Variants in SMYD3 observed in about 807,000 individuals in gnomAD.
SMYD3 encodes the protein histone-lysine N-methyltransferase SMYD3.
Under a neutral mutation model 57.7 loss-of-function variants are expected in SMYD3, and 36 were observed. The ratio of observed to expected loss-of-function variants is 0.62; its 90% CI spans 0.48 to 0.82. The LOEUF (loss-of-function observed/expected upper bound fraction) is 0.82. Among genes scored for constraint, SMYD3 ranks in the 40% least tolerant of loss-of-function variants. The pLI, the probability that SMYD3 is intolerant of heterozygous loss-of-function variation, is 0.00. For synonymous variants in SMYD3, 211 were observed against 195.0 expected (o/e 1.08, Z -0.68); for missense variants, 515 against 538.8 (o/e 0.96, Z 0.44).
At chr1:245,989,685 G>A (rs2058777048) in intron 5 of SMYD3, among the ~76,000 whole-genome samples, 1 of 152,240 alleles carries the variant, frequency 6.6e-6, no homozygotes, top group East Asian at 1.9e-4. Flanking sequence ...TCTCCATCTT[G>A]CACTGCTGAT....
intron 5 of SMYD3, among the ~76,000 whole-genome samples, chr1:246,316,494 G>A (rs1420804865): frequency 6.6e-6 from 1 of 150,610 alleles, no homozygotes; most frequent in Non-Finnish European, 1.5e-5. Context: ...TGAGTAGCTG[G>A]GATTACAGGC....
chr1:246,212,900 G>A (rs2063111755), intron 5 of SMYD3, among the ~76,000 whole-genome samples: 1 of 152,108 alleles, frequency 6.6e-6, no homozygotes, highest in South Asian at 2.1e-4. Context: ...TATGAGAAAT[G>A]GATTTCAGTA....
chr1:245,828,117 G>C (rs960044334), intron 10 of SMYD3, among the ~76,000 whole-genome samples: 4 of 152,310 alleles, frequency 2.6e-5, no homozygotes, highest in African/African-American at 9.6e-5. Context: ...CAAATTCCTA[G>C]TCTTTATCCA....
rs1157184164 is a variant in SMYD3, at chr1:245,930,459, G to A, written c.532-522C>T. 20 of 300,930 alleles carry A rather than the reference G, an allele frequency of 6.6e-5. No homozygotes were observed. In the East Asian group the frequency reaches 1.6e-3, roughly 24 times the overall value. 18.6% of individuals were successfully genotyped at this position (300,930 alleles called of 1,614,324 possible). On this transcript the variant is annotated intron_variant, in intron 5 of 11. Transcript: ENST00000490107. The stretch of plus-strand genomic sequence containing the variant: ...TTGGTGAAGACCACAGGGAGCACTG[G>A]AGGTCATTTAGTCAAGCCATGGTAT...
At chr1:246,134,526 C>T (rs1430042152) in intron 5 of SMYD3, among the ~76,000 whole-genome samples, 1 of 152,018 alleles carries the variant, frequency 6.6e-6, no homozygotes, top group African/African-American at 2.4e-5. Context: ...GAATATGCTT[C>T]AGAATCCATG....
intron 1 of SMYD3, among the ~76,000 whole-genome samples, chr1:246,362,976 G>A (rs1212596851): frequency 6.6e-6 from 1 of 150,498 alleles, no homozygotes. Context: ...TGGAAAGTGA[G>A]GAGCGTCTCT....
intron 10 of SMYD3, among the ~76,000 whole-genome samples, chr1:245,821,271 A>G (rs2049142085): frequency 1.9e-4 from 1 of 5,212 alleles, no homozygotes; most frequent in African/African-American, 2.1e-4. Context: ...ATCTTTGACA[A>G]ACCTGACAAA....
In SMYD3 at chr1:245,899,378, T is replaced by A. The variant is rs1337807147; in HGVS notation, c.813+16152A>T. The stretch of plus-strand genomic sequence containing the variant: ...TTAGTTGCAAACTAAGTTTATATTC[T>A]CATCTAAGTACATACTCTACTCTCT... On this transcript the variant is annotated intron_variant, in intron 8 of 11. Coordinates refer to ENST00000490107, the MANE Select transcript of SMYD3 (RefSeq NM_001167740.2). Among the ~76,000 whole-genome samples the A allele has an allele frequency of 4.6e-5, 7 of 152,322 alleles. 1 individual carries two copies. The highest frequency in any genetic ancestry group is 6.5e-5 in the Admixed American group (1 of 15,300).
chr1:245,950,719 C>T (rs1436267080), intron 5 of SMYD3, among the ~76,000 whole-genome samples: 1 of 152,212 alleles, frequency 6.6e-6, no homozygotes, highest in African/African-American at 2.4e-5. Context: ...AGTGGTCTTG[C>T]CAAATGTGGC....
chr1:245,923,214 G>A (rs2056111824), intron 7 of SMYD3, among the ~76,000 whole-genome samples: 1 of 152,010 alleles, frequency 6.6e-6, no homozygotes, highest in South Asian at 2.1e-4. Flanking sequence ...AGAATTGGGT[G>A]GGGTTTTAAA....
intron 5 of SMYD3, among the ~76,000 whole-genome samples, chr1:246,016,825 T>C (rs1423215706): frequency 1.3e-5 from 2 of 152,050 alleles, no homozygotes; most frequent in Non-Finnish European, 2.9e-5. Context: ...AAAATAGACA[T>C]TGGAAAGAAA....
At chr1:246,363,763 T>A (rs2066049709) in intron 1 of SMYD3, among the ~76,000 whole-genome samples, 1 of 151,944 alleles carries the variant, frequency 6.6e-6, no homozygotes, top group African/African-American at 2.4e-5. Context: ...TAATCTCAAG[T>A]ACCCAGGGAC....
intron 10 of SMYD3, among the ~76,000 whole-genome samples, chr1:245,803,477 A>G (rs1650792073): frequency 2.0e-5 from 3 of 152,170 alleles, no homozygotes. Context: ...ACAGTTTCAT[A>G]TGGTTAAATA....
chr1:246,200,890 C>A (rs1008333692), intron 5 of SMYD3, among the ~76,000 whole-genome samples: 2 of 152,050 alleles, frequency 1.3e-5, no homozygotes, highest in Admixed American at 1.3e-4. Context: ...TCTTCTACCT[C>A]CCAACCAAAA....
At chr1:245,978,849 C>T (rs2058521569) in intron 5 of SMYD3, among the ~76,000 whole-genome samples, 1 of 152,174 alleles carries the variant, frequency 6.6e-6, no homozygotes, top group African/African-American at 2.4e-5. Context: ...AATTATGGGG[C>T]TCAATACTGA....
At chr1:245,777,314 A>T (rs2046644994) in intron 10 of SMYD3, among the ~76,000 whole-genome samples, 1 of 152,262 alleles carries the variant, frequency 6.6e-6, no homozygotes, top group Admixed American at 6.5e-5. Flanking sequence ...TCTTGTCCAT[A>T]GAAAATGAGT....
intron 2 of SMYD3, among the ~76,000 whole-genome samples, chr1:246,351,257 G>C (rs1356526772): frequency 6.6e-6 from 1 of 152,166 alleles, no homozygotes; most frequent in East Asian, 1.9e-4. Context: ...ATTTGATGGA[G>C]TGCCTAACTC....
intron 10 of SMYD3, among the ~76,000 whole-genome samples, chr1:245,828,271 C>A (rs2049619008): frequency 6.6e-6 from 1 of 152,112 alleles, no homozygotes; most frequent in Admixed American, 6.5e-5. Flanking sequence ...CATTTTATAA[C>A]CTCAAAATTC....
At chr1:246,130,759 G>A (rs1470930307) in intron 5 of SMYD3, among the ~76,000 whole-genome samples, 1 of 152,084 alleles carries the variant, frequency 6.6e-6, no homozygotes, top group Non-Finnish European at 1.5e-5. Flanking sequence ...TATTGCACTG[G>A]CTTGAGAGTT....
Sources: gnomAD v4.1 joint callset for allele counts (sites outside exome capture counted in the v4.1 genomes callset) on GRCh38, gnomAD v4.1.1 for gene constraint, MANE v1.5 for transcripts, NCBI Gene and HGNC (gene_info 2026-07-23, HGNC 2026-07-21) for gene names.